The following GALNT1 variants were observed in gnomAD, a reference collection of about 807,000 sequenced individuals.
The protein encoded by GALNT1 is GalNAc transferase 1.
A neutral mutation model predicts 65.7 loss-of-function variants in GALNT1; 17 were observed. The ratio of observed to expected loss-of-function variants is 0.26; its 90% CI spans 0.18 to 0.39. The LOEUF (loss-of-function observed/expected upper bound fraction) is 0.39, where lower values mean the gene tolerates loss of function less well. Among genes scored for constraint, GALNT1 ranks in the 10% least tolerant of loss-of-function variants. The pLI, the probability that GALNT1 is intolerant of heterozygous loss-of-function variation, is 1.00. For missense variants in GALNT1, 460 were observed against 672.8 expected (o/e 0.68, Z 3.50); for synonymous variants, 210 against 219.7 (o/e 0.96, Z 0.39).
intron 3 of GALNT1, among the ~76,000 whole-genome samples, chr18:35,671,331 C>T (rs1333668294): frequency 6.6e-6 from 1 of 152,194 alleles, no homozygotes; most frequent in Non-Finnish European, 1.5e-5. Flanking sequence ...ATCATCCGAC[C>T]TCAGCCTCCC....
At chr18:35,685,165 C>A (rs2047847868) in intron 5 of GALNT1, among the ~76,000 whole-genome samples, 1 of 152,082 alleles carries the variant, frequency 6.6e-6, no homozygotes, top group Non-Finnish European at 1.5e-5. Flanking sequence ...CAAATCTGTT[C>A]ATGAATGCTA....
chr18:35,681,718 T>C (rs2047789758), intron 4 of GALNT1, among the ~76,000 whole-genome samples: 1 of 152,122 alleles, frequency 6.6e-6, no homozygotes, highest in African/African-American at 2.4e-5. Flanking sequence ...ATACAAAGTA[T>C]TTTAAATTTG....
At chr18:35,685,090 T>C (rs2047846750) in intron 5 of GALNT1, among the ~76,000 whole-genome samples, 1 of 152,092 alleles carries the variant, frequency 6.6e-6, no homozygotes, top group East Asian at 1.9e-4. Flanking sequence ...AACCAAACTC[T>C]TTTTATGAGG....
chr18:35,608,657 G>A (rs576039083), intron 1 of GALNT1, among the ~76,000 whole-genome samples: 12 of 152,240 alleles, frequency 7.9e-5, no homozygotes, highest in Admixed American at 2.6e-4. Flanking sequence ...AGAAAGACAC[G>A]AAAATGAAAT....
chr18:35,649,389 A>C (rs993945903), intron 1 of GALNT1, among the ~76,000 whole-genome samples: 2 of 151,872 alleles, frequency 1.3e-5, no homozygotes, highest in Non-Finnish European at 2.9e-5. Context: ...ATTTTATTGG[A>C]TTGTTTGTTT....
At chr18:35,689,036 C>A in intron 6 of GALNT1, 137 bp from the exon 7 acceptor site, 1 of 662,412 alleles carries the variant, frequency 1.5e-6, no homozygotes, top group South Asian at 1.8e-5. Context: ...GCCCCTGGGG[C>A]GTATGAAAGT....
At position 35,691,169 on chromosome 18, in the gene GALNT1, A is replaced by G. The variant is rs774392647; in HGVS notation, c.1136A>G (p.Asn379Ser). ...GAAGTGTGGATGGATGAATTCAAGAATTTCTTCTATATAATTTCTCCAGGT... is the reference window on the plus strand; with the variant it reads ...GAAGTGTGGATGGATGAATTCAAGAGTTTCTTCTATATAATTTCTCCAGGT... Reference protein sequence around the residue: ...LAEVWMDEFKNFFYIISPGVT... With the variant: ...LAEVWMDEFKSFFYIISPGVT... The change falls in exon 8 of 12, where the codon AAT (asparagine) becomes AGT (serine). Residue 379 changes from asparagine to serine, a missense_variant. Asn to Ser is a conservative substitution (Grantham distance 46). Coordinates refer to ENST00000269195, the MANE Select transcript of GALNT1 (RefSeq NM_020474.4). 1.5e-5 allele frequency: 24 copies of G among 1,605,118 alleles called. No homozygotes were observed. Among genetic ancestry groups the G allele is most frequent in the Non-Finnish European group, 1.9e-5 (22 of 1,177,272 alleles).
Position 35,667,292 on chromosome 18 carries a change from C to T in GALNT1, c.314+3490C>T, listed in dbSNP as rs746833844. ...CTGTGATCATTTGCTCTGGGATAAG[C>T]CCCTGGACACAATAGGTGCAGCCCT... On this transcript the variant is annotated intron_variant, in intron 3 of 11. Coordinates refer to ENST00000269195, the MANE Select transcript of GALNT1 (RefSeq NM_020474.4). Among the ~76,000 whole-genome samples the T allele has an allele frequency of 7.8e-4, 119 of 152,132 alleles. 2 individuals carry two copies. The highest frequency in any genetic ancestry group is 2.9e-4 in the Non-Finnish European group (20 of 68,030).
intron 2 of GALNT1, 151 bp from the exon 3 acceptor site, chr18:35,663,477 C>A (rs3744990): frequency 0.075 from 55,136 of 735,312 alleles, 2,415 homozygotes; most frequent in African/African-American, 0.16. Context: ...CAAGACAGCC[C>A]CTTGAAAGGG....
chr18:35,683,587 C>T lies in GALNT1; in HGVS notation c.678C>T (p.Ile226=), dbSNP rs778102771. The T allele has an allele frequency of 1.2e-6, 2 of 1,613,278 alleles. No homozygotes were observed. The highest frequency in any genetic ancestry group is 2.2e-5 in the South Asian group (2 of 90,942). The change falls in exon 5 of 12, where the codon ATC becomes ATT. Residue 226 remains isoleucine, a synonymous_variant. Transcript: ENST00000269195. ...GGCTGGAGCCTCTCTTGGCCAGGAT[C>T]AAACATGACAGGTAATTTTCTGGTG... The part of the protein sequence containing the change: ...VGWLEPLLAR[I]KHDRRTVVCP...
intron 1 of GALNT1, among the ~76,000 whole-genome samples, chr18:35,628,224 TC>T (rs1224215233): frequency 6.6e-6 from 1 of 152,096 alleles, no homozygotes; most frequent in Non-Finnish European, 1.5e-5. Flanking sequence ...GAGTAGTGTT[TC>T]TCCCAGCATG....
intron 3 of GALNT1, among the ~76,000 whole-genome samples, chr18:35,669,516 A>G (rs1253194796): frequency 6.6e-6 from 1 of 152,228 alleles, no homozygotes; most frequent in South Asian, 2.1e-4. Context: ...CAGACATGTG[A>G]AGTTGGTTTA....
chr18:35,696,613 A>G (rs575581216), intron 9 of GALNT1, among the ~76,000 whole-genome samples: 116 of 152,366 alleles, frequency 7.6e-4, no homozygotes, highest in African/African-American at 2.4e-3. Context: ...TAATAATCCT[A>G]ACATTTACTG....
At chr18:35,667,938 T>C (rs2047572890) in intron 3 of GALNT1, among the ~76,000 whole-genome samples, 1 of 152,236 alleles carries the variant, frequency 6.6e-6, no homozygotes, top group South Asian at 2.1e-4. Flanking sequence ...ATTTGTCTAC[T>C]TTCCCTTTTT....
At chr18:35,673,990 C>A (rs530580621) in intron 3 of GALNT1, among the ~76,000 whole-genome samples, 16 of 152,320 alleles carry the variant, frequency 1.1e-4, no homozygotes, top group African/African-American at 3.8e-4. Flanking sequence ...TATTAACCTG[C>A]ATAGTATATT....
intron 2 of GALNT1, among the ~76,000 whole-genome samples, chr18:35,655,668 T>A (rs373287925): frequency 2.6e-5 from 4 of 152,088 alleles, no homozygotes; most frequent in African/African-American, 9.7e-5. Flanking sequence ...TTAAACATGT[T>A]TTCTTTAAGC....
intron 7 of GALNT1, among the ~76,000 whole-genome samples, chr18:35,690,670 G>C (rs1364121189): frequency 1.3e-5 from 2 of 152,102 alleles, no homozygotes; most frequent in Non-Finnish European, 2.9e-5. Context: ...CCAAATTAGA[G>C]AAATGTTTCT....
intron 8 of GALNT1, 81 bp downstream of exon 8, chr18:35,691,273 G>A (rs2047957945): frequency 2.3e-6 from 3 of 1,292,894 alleles, no homozygotes; most frequent in South Asian, 3.0e-5. Flanking sequence ...AAGGTTAGAA[G>A]TGAAGCTTTG....
chr18:35,697,857 G>A (rs540317562), intron 9 of GALNT1, among the ~76,000 whole-genome samples: 46 of 152,288 alleles, frequency 3.0e-4, no homozygotes, highest in South Asian at 2.9e-3. Context: ...ATTCAGTGGC[G>A]TGCCTGGCCA....
Sources: allele counts gnomAD v4.1 joint callset (sites outside exome capture counted in the v4.1 genomes callset), GRCh38; gene constraint gnomAD v4.1.1; transcripts MANE v1.5; gene names NCBI Gene and HGNC (gene_info 2026-07-23, HGNC 2026-07-21).